ZNF227: variants seen among roughly 807,000 people sequenced by gnomAD.
The protein encoded by ZNF227 is zinc finger protein 227.
ZNF227 carries 12 observed loss-of-function variants against 13.2 expected under a neutral mutation model. The observed-to-expected ratio is 0.91, with a 90% CI of 0.58 to 1.47. The LOEUF (loss-of-function observed/expected upper bound fraction) is 1.47, where lower values mean the gene tolerates loss of function less well. Among genes scored for constraint, ZNF227 ranks in the 40% most tolerant of loss-of-function variants. The pLI, the probability that ZNF227 is intolerant of heterozygous loss-of-function variation, is 0.00. For synonymous variants in ZNF227, 338 were observed against 326.0 expected (o/e 1.04, Z -0.40); for missense variants, 885 against 967.5 (o/e 0.91, Z 1.13).
chr19:44,221,934 T>G (rs1344218214), intron 3 of ZNF227, among the ~76,000 whole-genome samples: 1 of 152,226 alleles, frequency 6.6e-6, no homozygotes, highest in East Asian at 1.9e-4. Context: ...TGAATTAATT[T>G]TTGTATAAAG....
intron 2 of ZNF227, among the ~76,000 whole-genome samples, chr19:44,214,415 G>A (rs1971629433): frequency 6.8e-6 from 1 of 147,642 alleles, no homozygotes; most frequent in Non-Finnish European, 1.5e-5. Flanking sequence ...ATTCACTCTT[G>A]TTGCCCAGGC....
chr19:44,224,325 G>T (rs1487596674), intron 3 of ZNF227, among the ~76,000 whole-genome samples: 1 of 152,130 alleles, frequency 6.6e-6, no homozygotes, highest in African/African-American at 2.4e-5. Context: ...GGGTATCCTT[G>T]TTAACTTTCT....
chr19:44,218,404 A>G (rs1972109104), intron 3 of ZNF227, among the ~76,000 whole-genome samples: 1 of 152,242 alleles, frequency 6.6e-6, no homozygotes, highest in Admixed American at 6.5e-5. Flanking sequence ...TTAAAGTTTT[A>G]GGAACTCTGC....
At position 44,224,682 on chromosome 19, in the gene ZNF227, C is replaced by T. The variant is rs1341531057; in HGVS notation, c.61-3764C>T. ...GTGTCTCTGCACGTGAGATGGGTTT[C>T]CTGAATACAGCACACTGATGGGTCT... On this transcript the variant is annotated intron_variant, in intron 3 of 5. Coordinates refer to ENST00000313040, the MANE Select transcript of ZNF227 (RefSeq NM_182490.3). Among the ~76,000 whole-genome samples the T allele has an allele frequency of 2.0e-5, 3 of 152,080 alleles. No individual in the cohort carries two copies. In the East Asian group the frequency reaches 5.8e-4, roughly 29 times the overall value.
rs1974513943 is a variant in ZNF227 at position 44,236,435 on chromosome 19, T to C, written c.2005T>C (p.Phe669Leu). ...CAAATGTGATGTGTGTGGAAAGGGC[T>C]TTAGATACAGTTCGCAGTTTATATA... ...PYKCDVCGKGFRYSSQFIYHQ... is the reference protein window; with the variant it reads ...PYKCDVCGKGLRYSSQFIYHQ... The change falls in exon 6 of 6, where the codon TTT becomes CTT. Residue 669 changes from phenylalanine (F) to leucine (L), a missense_variant. Phe to Leu is a conservative substitution (Grantham distance 22). Transcript: ENST00000313040. 1 of 1,613,648 alleles carries C rather than the reference T, an allele frequency of 6.2e-7. No homozygotes were observed. The highest frequency in any genetic ancestry group is 1.7e-5 in the Admixed American group (1 of 59,906).
intron 3 of ZNF227, among the ~76,000 whole-genome samples, chr19:44,218,795 A>G (rs1294944304): frequency 6.6e-6 from 1 of 152,234 alleles, no homozygotes; most frequent in African/African-American, 2.4e-5. Context: ...AACTATTAGG[A>G]ATATCTGGCA....
intron 2 of ZNF227, among the ~76,000 whole-genome samples, chr19:44,214,249 T>C (rs959921894): frequency 8.5e-5 from 13 of 152,350 alleles, no homozygotes; most frequent in Non-Finnish European, 1.8e-4. Flanking sequence ...AAAACTTAAA[T>C]TACTTATAAT....
intron 2 of ZNF227, 72 bp from the exon 3 acceptor site, chr19:44,217,719 C>T: frequency 2.6e-6 from 4 of 1,516,348 alleles, no homozygotes; most frequent in East Asian, 4.5e-5. Context: ...AGGGCTATTT[C>T]TCTAATTTCC....
intron 3 of ZNF227, chr19:44,226,995 G>A (rs546397070): frequency 1.3e-5 from 2 of 152,240 alleles, no homozygotes; most frequent in South Asian, 4.2e-4. Context: ...TCTGTAAAAG[G>A]ATCTTTGTAG....
chr19:44,232,459 C>T (rs1223049124), intron 5 of ZNF227, among the ~76,000 whole-genome samples: 1 of 152,130 alleles, frequency 6.6e-6, no homozygotes, highest in Non-Finnish European at 1.5e-5. Context: ...ACTGACAGAA[C>T]TCGGGAAGGT....
rs775336910 is a variant in ZNF227, at chr19:44,217,863, G to A, written c.60+11G>A. ...ATGACCAAGTTTCAGGTACGTAAAG[G>A]ATTCCTTGCTGTCTTTTAAAATGTG... On this transcript the variant is annotated intron_variant, in intron 3 of 5. Coordinates refer to ENST00000313040, the MANE Select transcript of ZNF227 (RefSeq NM_182490.3). The A allele has an allele frequency of 6.2e-7, 1 of 1,613,618 alleles. No individual in the cohort carries two copies. The highest frequency in any genetic ancestry group is 8.5e-7 in the Non-Finnish European group (1 of 1,179,566).
At chr19:44,208,053 C>T (rs1216727655), upstream of ZNF227, among the ~76,000 whole-genome samples, 1 of 152,142 alleles carries the variant, frequency 6.6e-6, no homozygotes, top group African/African-American at 2.4e-5. Flanking sequence ...TAGACCTCTC[C>T]ACACAATGTA....
In ZNF227 at chr19:44,235,709, CAG is replaced by C. The variant is rs764897946; in HGVS notation, c.1284_1285del (p.Arg428SerfsTer11). The C allele has an allele frequency of 5.0e-6, 8 of 1,614,044 alleles. No homozygotes were observed. The highest frequency in any genetic ancestry group is 4.5e-5 in the East Asian group (2 of 44,852). Reference sequence around the variant, plus strand: ...TCAGGCTGCACATTTTCACATCCATCAGAGAGTCCACACTGGAGAGAAACCCT... The same window carrying C: ...TCAGGCTGCACATTTTCACATCCATCAGAGTCCACACTGGAGAGAAACCCT... ...FTQAAHFHIH[Q>X]RVHTGEKPYK... On this transcript the variant is annotated frameshift_variant, in exon 6 of 6. Coordinates refer to ENST00000313040, the MANE Select transcript of ZNF227 (RefSeq NM_182490.3). LOFTEE classifies it low-confidence loss of function (END_TRUNC).
At chr19:44,219,315 T>C (rs1249621539) in intron 3 of ZNF227, among the ~76,000 whole-genome samples, 1 of 152,218 alleles carries the variant, frequency 6.6e-6, no homozygotes, top group Non-Finnish European at 1.5e-5. Context: ...ACAGTTTTTA[T>C]GTAAGTGTTT....
chr19:44,214,713 G>A (rs1971672693), intron 2 of ZNF227, among the ~76,000 whole-genome samples: 1 of 151,938 alleles, frequency 6.6e-6, no homozygotes, highest in Non-Finnish European at 1.5e-5. Flanking sequence ...TCAAAAGAGT[G>A]GTGCAGTGAA....
At chr19:44,232,674 T>G (rs1206212767) in intron 5 of ZNF227, among the ~76,000 whole-genome samples, 4 of 149,526 alleles carry the variant, frequency 2.7e-5, no homozygotes, top group Non-Finnish European at 4.5e-5. Flanking sequence ...GTTTTTTTGT[T>G]TTTTTTTTTT....
At chr19:44,215,880 C>T (rs1049799177) in intron 2 of ZNF227, among the ~76,000 whole-genome samples, 42 of 151,082 alleles carry the variant, frequency 2.8e-4, no homozygotes, top group African/African-American at 1.0e-3. Flanking sequence ...CCCAGCTACT[C>T]AGGAGGCTGA....
At chr19:44,220,712 G>T (rs10412910) in intron 3 of ZNF227, among the ~76,000 whole-genome samples, 21,065 of 151,888 alleles carry the variant, frequency 0.14, 3,677 homozygotes, top group African/African-American at 0.4. Flanking sequence ...CAATGTGCAG[G>T]TTAGTTACAT....
chr19:44,221,706 GT>G (rs1327763095), intron 3 of ZNF227, among the ~76,000 whole-genome samples: 1 of 152,134 alleles, frequency 6.6e-6, no homozygotes, highest in African/African-American at 2.4e-5. Flanking sequence ...CTCCCATTTT[GT>G]AGGTTGCCTG....
Sources: gnomAD v4.1 joint callset for allele counts (sites outside exome capture counted in the v4.1 genomes callset) on GRCh38, gnomAD v4.1.1 for gene constraint, MANE v1.5 for transcripts, NCBI Gene and HGNC (gene_info 2026-07-23, HGNC 2026-07-21) for gene names.